KLF7: variants seen among roughly 807,000 people sequenced by gnomAD.
KLF7 encodes Krueppel-like factor 7.
A neutral mutation model predicts 27.3 loss-of-function variants in KLF7; 2 were observed. The observed-to-expected ratio is 0.07, with a 90% CI of 0.03 to 0.23. KLF7 has a LOEUF of 0.23. Ranked by LOEUF, KLF7 falls within the 10% of genes least tolerant of loss-of-function variation. The pLI is 1.00. For missense variants in KLF7, 221 were observed against 394.1 expected (o/e 0.56, Z 3.72); for synonymous variants, 165 against 162.4 (o/e 1.02, Z -0.12).
intron 1 of KLF7, among the ~76,000 whole-genome samples, chr2:207,143,128 A>G (rs2106069529): frequency 6.6e-6 from 1 of 152,368 alleles, no homozygotes; most frequent in South Asian, 2.1e-4. Flanking sequence ...AATCAAAATG[A>G]GGACAAAACC....
At chr2:207,114,807 T>C (rs2105952842) in intron 2 of KLF7, among the ~76,000 whole-genome samples, 1 of 152,366 alleles carries the variant, frequency 6.6e-6, no homozygotes, top group East Asian at 1.9e-4. Flanking sequence ...CAGCTAAGGA[T>C]GGCTTCTGGT....
At chr2:207,171,951 A>G (rs1205338154), upstream of KLF7, among the ~76,000 whole-genome samples, 1 of 152,198 alleles carries the variant, frequency 6.6e-6, no homozygotes, top group African/African-American at 2.4e-5. Flanking sequence ...AAATGAATAA[A>G]TCAAGAAAGT....
chr2:207,125,314 A>C (rs6743779), intron 1 of KLF7, among the ~76,000 whole-genome samples: 42,299 of 152,098 alleles, frequency 0.28, 6,445 homozygotes, highest in Admixed American at 0.4. Flanking sequence ...TTATGGCAAA[A>C]GTCGATATTT....
intron 1 of KLF7, among the ~76,000 whole-genome samples, chr2:207,157,744 G>A (rs1360021725): frequency 6.6e-6 from 1 of 152,200 alleles, no homozygotes; most frequent in Non-Finnish European, 1.5e-5. Context: ...CAGAAGCCAA[G>A]TCAGTGGGAT....
chr2:207,113,607 T>TC (rs1267598447), intron 2 of KLF7, among the ~76,000 whole-genome samples: 1 of 64,480 alleles, frequency 1.6e-5, no homozygotes, highest in East Asian at 4.3e-4. Flanking sequence ...GAATGGGGGG[T>TC]GGGGGGGGGG....
intron 2 of KLF7, among the ~76,000 whole-genome samples, chr2:207,118,588 G>T (rs1389888977): frequency 1.3e-5 from 2 of 152,190 alleles, no homozygotes; most frequent in Non-Finnish European, 2.9e-5. Flanking sequence ...AATACTGTTT[G>T]GTGCAAATCC....
upstream of KLF7, among the ~76,000 whole-genome samples, chr2:207,170,253 GCTAAAAC>G: frequency 6.6e-6 from 1 of 152,310 alleles, no homozygotes; most frequent in East Asian, 1.9e-4. Context: ...ATTCTTTTAA[GCTAAAAC>G]CTAATCCAGA....
chr2:207,092,876 TATA>T (rs1395523934), intron 2 of KLF7, among the ~76,000 whole-genome samples: 1 of 152,198 alleles, frequency 6.6e-6, no homozygotes, highest in Non-Finnish European at 1.5e-5. Flanking sequence ...ATAAATTAAA[TATA>T]AATAGAAGTC....
At chr2:207,087,283 G>A (rs547698525) in intron 3 of KLF7, among the ~76,000 whole-genome samples, 4 of 151,884 alleles carry the variant, frequency 2.6e-5, no homozygotes, top group African/African-American at 7.2e-5. Context: ...AGAGAATGAA[G>A]ATAAGAGGAA....
At chr2:207,163,002 T>C (rs2106148702) in intron 1 of KLF7, among the ~76,000 whole-genome samples, 1 of 152,344 alleles carries the variant, frequency 6.6e-6, no homozygotes, top group Middle Eastern at 3.4e-3. Flanking sequence ...AATTTCATTA[T>C]CCGATAGTTG....
At chr2:207,143,420 CAAA>C (rs548713514) in intron 1 of KLF7, among the ~76,000 whole-genome samples, 2 of 136,782 alleles carry the variant, frequency 1.5e-5, no homozygotes, top group Non-Finnish European at 1.6e-5. Flanking sequence ...CTCCATTTAC[CAAA>C]AAAAAAAAAA....
chr2:207,101,861 C>A (rs1156665595), intron 2 of KLF7, among the ~76,000 whole-genome samples: 1 of 152,158 alleles, frequency 6.6e-6, no homozygotes, highest in Non-Finnish European at 1.5e-5. Flanking sequence ...TTCTATGTAG[C>A]TCCACAAAAC....
chr2:207,126,106 C>CATT (rs1403800412), intron 1 of KLF7, among the ~76,000 whole-genome samples: 5 of 152,114 alleles, frequency 3.3e-5, no homozygotes, highest in African/African-American at 1.2e-4. Flanking sequence ...CATTAGAAAC[C>CATT]AGTATGATGA....
intron 1 of KLF7, among the ~76,000 whole-genome samples, chr2:207,144,050 A>G (rs2078023959): frequency 6.9e-6 from 1 of 145,456 alleles, no homozygotes; most frequent in African/African-American, 2.5e-5. Context: ...AGCATGCTTC[A>G]TTAGAGTCTT....
chr2:207,081,921 CTATG>C (rs1360136320), intron 3 of KLF7, among the ~76,000 whole-genome samples: 1 of 150,868 alleles, frequency 6.6e-6, no homozygotes, highest in Admixed American at 6.6e-5. Flanking sequence ...TATGTAGGCA[CTATG>C]CTAAGGGTTT....
At chr2:207,129,492 T>C (rs151078906) in intron 1 of KLF7, among the ~76,000 whole-genome samples, 24 of 152,342 alleles carry the variant, frequency 1.6e-4, no homozygotes, top group Non-Finnish European at 3.2e-4. Context: ...ATTCTCTTGA[T>C]ATCTCAACTT....
chr2:207,114,783 GT>G (rs2077133861), intron 2 of KLF7, among the ~76,000 whole-genome samples: 1 of 152,206 alleles, frequency 6.6e-6, no homozygotes, highest in African/African-American at 2.4e-5. Flanking sequence ...TACCATGGAG[GT>G]CAAGTTCTTT....
rs914239944 is a variant in KLF7 at position 207,157,545 on chromosome 2, C to T, written c.102+7922G>A. ...GGGGAACTTGCAAATATTGTGTAGA[C>T]CCAGTCTTGGAACACCCTGACTCTT... is the stretch of plus-strand genomic sequence containing the variant. On this transcript the variant is annotated intron_variant, in intron 1 of 3. Transcript: ENST00000309446. Among the ~76,000 whole-genome samples the T allele has an allele frequency of 2.0e-5, 3 of 152,118 alleles. No individual in the cohort carries two copies. In the East Asian group the frequency reaches 5.8e-4, roughly 29 times the overall value.
chr2:207,131,549 T>A (rs2077635406), intron 1 of KLF7, among the ~76,000 whole-genome samples: 1 of 152,206 alleles, frequency 6.6e-6, no homozygotes, highest in Non-Finnish European at 1.5e-5. Flanking sequence ...TCTAAAATAC[T>A]CATTCTTTTC....
Sources: gnomAD v4.1 joint callset for allele counts (sites outside exome capture counted in the v4.1 genomes callset) on GRCh38, gnomAD v4.1.1 for gene constraint, MANE v1.5 for transcripts, NCBI Gene and HGNC (gene_info 2026-07-23, HGNC 2026-07-21) for gene names.